GPHN: variants seen among roughly 807,000 people sequenced by gnomAD.
GPHN encodes the protein gephyrin.
A neutral mutation model predicts 95.5 loss-of-function variants in GPHN; 17 were observed. The observed-to-expected ratio is 0.18, with a 90% CI of 0.12 to 0.27. The LOEUF (loss-of-function observed/expected upper bound fraction) is 0.27, where lower values mean the gene tolerates loss of function less well. Among genes scored for constraint, GPHN ranks in the 10% least tolerant of loss-of-function variants. GPHN has a pLI of 1.00. For missense variants in GPHN, 660 were observed against 978.1 expected (o/e 0.67, Z 4.34); for synonymous variants, 320 against 322.5 (o/e 0.99, Z 0.08).
At chr14:67,630,384 G>A in the GPHN span, among the ~76,000 whole-genome samples, 1 of 152,144 alleles carries the variant, frequency 6.6e-6, no homozygotes, top group Non-Finnish European at 1.5e-5. Context: ...TACTGGCAAG[G>A]CCTCTGCCTA....
intron 2 of GPHN, among the ~76,000 whole-genome samples, chr14:66,714,393 C>G (rs553067542): frequency 6.6e-6 from 1 of 152,226 alleles, no homozygotes; most frequent in South Asian, 2.1e-4. Context: ...TAGGAGCTTT[C>G]TGGAGGAGTC....
the GPHN span, chr14:67,582,361 T>C: frequency 8.3e-5 from 111 of 1,343,866 alleles, no homozygotes; most frequent in African/African-American, 1.5e-3. The surrounding 1 kb of genome is among the most constrained non-coding windows in gnomAD (Gnocchi z 5.0). Flanking sequence ...AGCTGACTTC[T>C]ACAGATCAGA....
At chr14:66,735,633 A>G (rs146077829) in intron 2 of GPHN, among the ~76,000 whole-genome samples, 1 of 152,300 alleles carries the variant, frequency 6.6e-6, no homozygotes, top group African/African-American at 2.4e-5. Flanking sequence ...GTGCCATGAA[A>G]ACATTATTGA....
the GPHN span, among the ~76,000 whole-genome samples, chr14:67,379,654 C>CTTTTTTTTTTTTTTTTTTTTTTTTTTTTT: frequency 2.5e-5 from 3 of 119,956 alleles, no homozygotes; most frequent in East Asian, 5.9e-4. Flanking sequence ...TTTTCTTTTT[C>CTTTTTTTTTTTTTTTTTTTTTTTTTTTTT]TTTTTTTTTT....
At chr14:67,130,596 A>C (rs2079640509) in intron 17 of GPHN, among the ~76,000 whole-genome samples, 1 of 151,944 alleles carries the variant, frequency 6.6e-6, no homozygotes, top group Non-Finnish European at 1.5e-5. Flanking sequence ...TTTTGGTAGG[A>C]TGATTTGTTT....
At chr14:67,336,842 TTTA>T in the GPHN span, 6 of 446,938 alleles carry the variant, frequency 1.3e-5, no homozygotes, top group Non-Finnish European at 2.7e-5. Flanking sequence ...AACCTAAGAT[TTTA>T]TTCTGTGAGC....
chr14:67,178,735 A>G (rs2083151605), intron 21 of GPHN, among the ~76,000 whole-genome samples: 1 of 152,246 alleles, frequency 6.6e-6, no homozygotes, highest in South Asian at 2.1e-4. Context: ...CAGGAAGTTC[A>G]AAGGTCTCCA....
At chr14:66,947,029 C>G (rs2067798270) in intron 8 of GPHN, among the ~76,000 whole-genome samples, 1 of 152,196 alleles carries the variant, frequency 6.6e-6, no homozygotes, top group Non-Finnish European at 1.5e-5. Context: ...CTACTTGAAC[C>G]CTTCAATGGA....
At chr14:67,652,801 C>CA in the GPHN span, among the ~76,000 whole-genome samples, 1 of 149,998 alleles carries the variant, frequency 6.7e-6, no homozygotes, top group Non-Finnish European at 1.5e-5. Flanking sequence ...AAATATATTT[C>CA]TTTTTTTTTT....
intron 4 of GPHN, among the ~76,000 whole-genome samples, chr14:66,872,207 G>A (rs1330415751): frequency 1.3e-5 from 2 of 152,112 alleles, no homozygotes; most frequent in African/African-American, 4.8e-5. Flanking sequence ...CTTTTGCCCA[G>A]AGCTACAATC....
At chr14:67,498,588 A>C in the GPHN span, among the ~76,000 whole-genome samples, 4 of 152,372 alleles carry the variant, frequency 2.6e-5, no homozygotes, top group Non-Finnish European at 5.9e-5. Context: ...TGCAATGCCA[A>C]GAAAGACGAA....
intron 4 of GPHN, among the ~76,000 whole-genome samples, chr14:66,868,043 A>G (rs989366566): frequency 6.6e-6 from 1 of 152,202 alleles, no homozygotes; most frequent in African/African-American, 2.4e-5. Flanking sequence ...CTTCTAGAAG[A>G]TTCTGATGCA....
chr14:67,149,610 T>TA (rs1227444638), intron 18 of GPHN, among the ~76,000 whole-genome samples: 1 of 152,190 alleles, frequency 6.6e-6, no homozygotes, highest in Non-Finnish European at 1.5e-5. Context: ...AAAAGAACAC[T>TA]TATAGTTATA....
At chr14:66,601,683 C>T (rs2062251731) in intron 1 of GPHN, among the ~76,000 whole-genome samples, 1 of 151,102 alleles carries the variant, frequency 6.6e-6, no homozygotes, top group Non-Finnish European at 1.5e-5. Flanking sequence ...GAAGAAAAAC[C>T]AATAATAGAT....
intron 1 of GPHN, among the ~76,000 whole-genome samples, chr14:66,615,715 G>C (rs990877927): frequency 7.7e-4 from 117 of 151,948 alleles, no homozygotes; most frequent in South Asian, 1.2e-3. Context: ...AAGCTCTTTA[G>C]TTTAATTAGA....
chr14:66,893,822 C>T (rs2064666140), intron 5 of GPHN, among the ~76,000 whole-genome samples: 4 of 152,134 alleles, frequency 2.6e-5, no homozygotes, highest in Admixed American at 2.6e-4. Flanking sequence ...TGGAGGACCT[C>T]TTCAAGGAGA....
chr14:67,613,126 T>A, the GPHN span: 5 of 150,908 alleles, frequency 3.3e-5, no homozygotes, highest in African/African-American at 1.2e-4. Context: ...CTCTGAGCTA[T>A]TTTTTTGTTT....
At chr14:67,612,580 A>G in the GPHN span, among the ~76,000 whole-genome samples, 1 of 152,172 alleles carries the variant, frequency 6.6e-6, no homozygotes, top group Non-Finnish European at 1.5e-5. Context: ...AGGTACCTAT[A>G]GATAAAAAGA....
the GPHN span, chr14:67,390,696 A>G: frequency 1.1e-5 from 18 of 1,613,704 alleles, no homozygotes; most frequent in Non-Finnish European, 1.4e-5. Context: ...GGAAAGCTGG[A>G]TCCTTCCTTA....
Sources: gnomAD v4.1 joint callset for allele counts (sites outside exome capture counted in the v4.1 genomes callset) on GRCh38, gnomAD v4.1.1 for gene constraint, Gnocchi (gnomAD v3.1) non-coding constraint, MANE v1.5 for transcripts, NCBI Gene and HGNC (gene_info 2026-07-23, HGNC 2026-07-21) for gene names.